Variants in KLF12 observed in about 807,000 individuals in gnomAD.
The protein encoded by KLF12 is KLF transcription factor 12.
KLF12 carries 9 observed loss-of-function variants against 37.8 expected under a neutral mutation model. The observed-to-expected ratio is 0.24, with a 90% CI of 0.14 to 0.42. The LOEUF is 0.42. KLF12 is among the 10% of genes least tolerant of loss of function. The pLI is 1.00. For missense variants in KLF12, 411 were observed against 516.0 expected (o/e 0.80, Z 1.97); for synonymous variants, 208 against 202.1 (o/e 1.03, Z -0.25).
In KLF12 at chr13:73,687,396, A is replaced by C. The variant is rs1367057871; in HGVS notation, c.*8094T>G. 5 of 152,588 alleles carry C rather than the reference A, an allele frequency of 3.3e-5. No individual in the cohort carries two copies. Among genetic ancestry groups the C allele is most frequent in the Admixed American group, 6.5e-5 (1 of 15,280 alleles). 9.5% of individuals were successfully genotyped at this position (152,588 alleles called of 1,614,324 possible). On this transcript the variant is annotated 3_prime_UTR_variant, in exon 8 of 8. Transcript: ENST00000377669. ...TTTAAACACAACAAATCGTGGACAG[A>C]CACGTTGATAGGAAAGAGCCTTGAA... is the stretch of plus-strand genomic sequence containing the variant.
At position 74,021,142 on chromosome 13, in the gene KLF12, G is replaced by T. The variant is rs146258987; in HGVS notation, c.-31-26089C>A. 9.9e-4 allele frequency among the ~76,000 whole-genome samples: 151 copies of T among 152,058 alleles called. 1 individual carries two copies. The highest frequency in any genetic ancestry group is 3.0e-3 in the African/African-American group (124 of 41,510). ...AGAAAAAGGAGACGTCAAAAGAAAAGAAAAAAGCATTTTGAATTAAACCAA... is the reference window on the plus strand; with the variant it reads ...AGAAAAAGGAGACGTCAAAAGAAAATAAAAAAGCATTTTGAATTAAACCAA... On this transcript the variant is annotated intron_variant, in intron 1 of 7. Coordinates refer to ENST00000377669, the MANE Select transcript of KLF12 (RefSeq NM_007249.5).
At chr13:74,048,732 G>C (rs1384353611) in intron 1 of KLF12, among the ~76,000 whole-genome samples, 2 of 152,134 alleles carry the variant, frequency 1.3e-5, no homozygotes, top group African/African-American at 4.8e-5. Context: ...TATGACTTCT[G>C]AGTAAAGAAA....
At chr13:73,716,538 C>T (rs1265949130) in intron 6 of KLF12, among the ~76,000 whole-genome samples, 3 of 152,086 alleles carry the variant, frequency 2.0e-5, no homozygotes, top group East Asian at 3.9e-4. Flanking sequence ...AAGATCAATT[C>T]CCCCCTTGTT....
chr13:74,255,931 G>A, the KLF12 span, among the ~76,000 whole-genome samples: 79 of 152,100 alleles, frequency 5.2e-4, 3 homozygotes, highest in Admixed American at 1.3e-4. Context: ...TGAGGTGGGT[G>A]GATCACGAGG....
At position 73,994,911 on chromosome 13, in the gene KLF12, C is replaced by T. The variant is rs1391674026; in HGVS notation, c.33+79G>A. ...TCTCGTATTCACACAAGAAGGTACT[C>T]TAATGAGAATAAACTGCCCAAAAGT... On this transcript the variant is annotated intron_variant, in intron 2 of 7. Transcript: ENST00000377669. The T allele has an allele frequency of 3.3e-6, 3 of 911,394 alleles. No homozygotes were observed. In the East Asian group the frequency reaches 7.2e-5, roughly 22 times the overall value. 56.5% of individuals were successfully genotyped at this position (911,394 alleles called of 1,614,324 possible).
At chr13:74,230,775 C>T in the KLF12 span, among the ~76,000 whole-genome samples, 1 of 152,326 alleles carries the variant, frequency 6.6e-6, no homozygotes, top group African/African-American at 2.4e-5. Flanking sequence ...GCAAGCTTCT[C>T]TAAACCTGGT....
At chr13:74,048,529 A>G (rs1044049768) in intron 1 of KLF12, among the ~76,000 whole-genome samples, 1 of 152,210 alleles carries the variant, frequency 6.6e-6, no homozygotes, top group African/African-American at 2.4e-5. Flanking sequence ...ACAGAATATT[A>G]ACACCTAATT....
At chr13:74,026,342 A>G (rs1892976003) in intron 1 of KLF12, among the ~76,000 whole-genome samples, 1 of 152,174 alleles carries the variant, frequency 6.6e-6, no homozygotes, top group Admixed American at 6.5e-5. Flanking sequence ...CTTCTCTAAT[A>G]GAACTGTATG....
At chr13:74,245,926 C>A in the KLF12 span, among the ~76,000 whole-genome samples, 1 of 152,114 alleles carries the variant, frequency 6.6e-6, no homozygotes, top group South Asian at 2.1e-4. Context: ...CTAAATTGAT[C>A]GCATGGCAAA....
the KLF12 span, among the ~76,000 whole-genome samples, chr13:74,293,993 C>T: frequency 6.6e-6 from 1 of 152,190 alleles, no homozygotes; most frequent in Admixed American, 6.5e-5. Context: ...TGTTAGTTGT[C>T]TTAGATTAGT....
chr13:73,904,671 C>T (rs73523223), intron 3 of KLF12, among the ~76,000 whole-genome samples: 7,118 of 151,946 alleles, frequency 0.047, 387 homozygotes, highest in African/African-American at 0.13. Context: ...ACGAGACTAT[C>T]ATGTGATTTC....
chr13:74,061,643 T>C (rs1873596751), intron 1 of KLF12, among the ~76,000 whole-genome samples: 1 of 152,202 alleles, frequency 6.6e-6, no homozygotes, highest in Non-Finnish European at 1.5e-5. Flanking sequence ...AAAATTACTC[T>C]GCAACCTCTG....
At chr13:74,271,061 G>A in the KLF12 span, among the ~76,000 whole-genome samples, 1 of 152,156 alleles carries the variant, frequency 6.6e-6, no homozygotes, top group Non-Finnish European at 1.5e-5. Flanking sequence ...CAGATCAGCA[G>A]TGGCATTAGA....
chr13:73,715,906 T>A (rs1253716171), intron 6 of KLF12, among the ~76,000 whole-genome samples: 1 of 152,224 alleles, frequency 6.6e-6, no homozygotes, highest in Non-Finnish European at 1.5e-5. Flanking sequence ...GAAGGCTTGC[T>A]ATAGACAAAT....
At chr13:73,754,716 A>T (rs987685965) in intron 6 of KLF12, among the ~76,000 whole-genome samples, 12 of 152,162 alleles carry the variant, frequency 7.9e-5, no homozygotes, top group Non-Finnish European at 1.3e-4. Context: ...CCAAAATCTC[A>T]TGAGGAATAT....
the KLF12 span, among the ~76,000 whole-genome samples, chr13:74,197,898 G>T: frequency 6.6e-6 from 1 of 152,040 alleles, no homozygotes; most frequent in Non-Finnish European, 1.5e-5. Flanking sequence ...AACAAAGAGG[G>T]CATTGATCAG....
chr13:73,904,952 C>T (rs1163006480), intron 3 of KLF12, among the ~76,000 whole-genome samples: 2 of 106,770 alleles, frequency 1.9e-5, no homozygotes, highest in Non-Finnish European at 4.2e-5. Context: ...GCAACTTATC[C>T]TAAGCAAAAA....
intron 1 of KLF12, among the ~76,000 whole-genome samples, chr13:74,004,111 T>C (rs1375064718): frequency 5.3e-5 from 8 of 152,196 alleles, no homozygotes; most frequent in African/African-American, 1.9e-4. Flanking sequence ...CCAGGTTTTT[T>C]AAAGAATCCT....
At chr13:74,058,484 T>A (rs1487363512) in intron 1 of KLF12, among the ~76,000 whole-genome samples, 1 of 149,864 alleles carries the variant, frequency 6.7e-6, no homozygotes, top group Non-Finnish European at 1.5e-5. Context: ...GCCTCCCGAG[T>A]AGCTGGGACT....
Sources: allele counts gnomAD v4.1 joint callset (sites outside exome capture counted in the v4.1 genomes callset), GRCh38; gene constraint gnomAD v4.1.1; transcripts MANE v1.5; gene names NCBI Gene and HGNC (gene_info 2026-07-23, HGNC 2026-07-21).